ZNF121: variants seen among roughly 807,000 people sequenced by gnomAD.
ZNF121 encodes the protein zinc finger protein 121 (clone ZHC32).
In ZNF121, 1 loss-of-function variant was observed where a neutral mutation model predicts 2.4. The observed-to-expected ratio is 0.41, with a 90% CI of 0.15 to 1.94. The LOEUF is 1.94. ZNF121 is among the 30% of genes most tolerant of loss of function. ZNF121 has a pLI of 0.30. For missense variants in ZNF121, 369 were observed against 466.3 expected, an observed-to-expected ratio of 0.79 and a Z score of 1.92; for synonymous variants, 173 against 158.6, an observed-to-expected ratio of 1.09 and a Z score of -0.68.
At chr19:9,573,864 T>C (rs916205366) in intron 1 of ZNF121, among the ~76,000 whole-genome samples, 1 of 152,132 alleles carries the variant, frequency 6.6e-6, no homozygotes, top group Non-Finnish European at 1.5e-5. Context: ...TTTCTTTTTT[T>C]GTGAGACGGT....
chr19:9,566,241 T>C lies in ZNF121; in HGVS notation c.872A>G (p.Lys291Arg). Residue 291 changes from lysine to arginine, a missense_variant, in exon 4 of 4, where the codon AAA becomes AGA. Around this residue, in one of 4 missense-constraint regions of ZNF121, gnomAD observed 127 missense variants for 169.9 expected, o/e 0.75. Coordinates refer to ENST00000320451, the MANE Select transcript of ZNF121 (RefSeq NM_001008727.5). Reference sequence around the variant, plus strand: ...TAAGCTTGAGGAAACAGTGAATGCTTTCCCACACTCCTTACATTTATAGGG... The same window carrying C: ...TAAGCTTGAGGAAACAGTGAATGCTCTCCCACACTCCTTACATTTATAGGG... ...IKPYKCKECG[K>R]AFTVSSSLHN... The C allele has an allele frequency of 6.2e-7, 1 of 1,614,036 alleles. No individual in the cohort carries two copies. The highest frequency in any genetic ancestry group is 8.5e-7 in the Non-Finnish European group (1 of 1,180,010).
At chr19:9,575,748 T>TA (rs908182869) in intron 1 of ZNF121, among the ~76,000 whole-genome samples, 10 of 143,420 alleles carry the variant, frequency 7.0e-5, no homozygotes, top group South Asian at 4.4e-4. Context: ...GTCTCAAAAA[T>TA]AAAAAAAAAA....
chr19:9,573,901 C>G (rs143970790), intron 1 of ZNF121, among the ~76,000 whole-genome samples: 1 of 152,064 alleles, frequency 6.6e-6, no homozygotes, highest in Non-Finnish European at 1.5e-5. Context: ...GGCTGGAGTA[C>G]CGTGGCACAA....
chr19:9,566,075 C>T lies in ZNF121; in HGVS notation c.1038G>A (p.Gly346=). Residue 346 remains glycine, a synonymous_variant, in exon 4 of 4, where the codon GGG becomes GGA. Transcript: ENST00000320451. ...GEKPYICKEC[G]KTFRASSHLQ... ...GATGTGAAGAAGCACGGAAGGTTTT[C>T]CCACATTCCTTACATATATACGGTT... is the stretch of plus-strand genomic sequence containing the variant. The T allele has an allele frequency of 6.2e-7, 1 of 1,613,410 alleles. No individual in the cohort carries two copies. Among genetic ancestry groups the T allele is most frequent in the Non-Finnish European group, 8.5e-7 (1 of 1,179,778 alleles).
chr19:9,583,734 A>AC (rs1375357516), intron 1 of ZNF121, among the ~76,000 whole-genome samples: 4 of 151,756 alleles, frequency 2.6e-5, no homozygotes, highest in African/African-American at 9.7e-5. Context: ...CGAACTCCTG[A>AC]CCTCAGGTGA....
chr19:9,566,849 A>G lies in ZNF121; in HGVS notation c.264T>C (p.Phe88=), dbSNP rs761149713. 6.2e-7 allele frequency: 1 copy of G among 1,614,204 alleles called. No homozygotes were observed. Among genetic ancestry groups the G allele is most frequent in the South Asian group, 1.1e-5 (1 of 91,086 alleles). The change falls in exon 4 of 4, where the codon TTT becomes TTC. Residue 88 remains phenylalanine (F), a synonymous_variant. Coordinates refer to ENST00000320451, the MANE Select transcript of ZNF121 (RefSeq NM_001008727.5). ...HQRTWIGDKS[F]EYSDCEEAFV... is the part of the protein sequence containing the mutation. ...AGGCTTCCTCACAGTCACTGTATTC[A>G]AAGGATTTGTCTCCTATCCACGTTC...
At position 9,566,611 on chromosome 19, in the gene ZNF121, C is replaced by A. The variant is rs1330067870; in HGVS notation, c.502G>T (p.Gly168Trp). ...TCCTTACATTCATAGGGTTTCTCCC[C>A]AGTATGGGTTCGCATGTGACTATTA... is the stretch of plus-strand genomic sequence containing the variant. ...YLNSHMRTHT[G>W]EKPYECKECG... is the part of the protein sequence containing the mutation. The change falls in exon 4 of 4, where the codon GGG becomes TGG. Residue 168 changes from glycine (G) to tryptophan (W), a missense_variant. Around this residue, in one of 4 missense-constraint regions of ZNF121, gnomAD observed 68 missense variants for 105.5 expected, o/e 0.64. Coordinates refer to ENST00000320451, the MANE Select transcript of ZNF121 (RefSeq NM_001008727.5). 5 of 1,614,080 alleles carry A rather than the reference C, an allele frequency of 3.1e-6. No individual in the cohort carries two copies. In the African/African-American group the frequency reaches 6.7e-5, roughly 22 times the overall value.
intron 1 of ZNF121, among the ~76,000 whole-genome samples, chr19:9,573,916 G>A (rs1451259859): frequency 1.2e-4 from 18 of 151,952 alleles, no homozygotes; most frequent in Admixed American, 1.2e-3. Flanking sequence ...GCACAATCAT[G>A]GCTCAATGCA....
chr19:9,580,100 G>A (rs1303956107), intron 1 of ZNF121, among the ~76,000 whole-genome samples: 1 of 151,908 alleles, frequency 6.6e-6, no homozygotes, highest in Non-Finnish European at 1.5e-5. Flanking sequence ...AGACCATCCT[G>A]GCTAACACGG....
At position 9,573,073 on chromosome 19, in the gene ZNF121, A is replaced by G. The variant is rs567329170; in HGVS notation, c.-159-3991T>C. Among the ~76,000 whole-genome samples, 8 of 152,292 alleles carry G rather than the reference A, an allele frequency of 5.3e-5. 1 individual carries two copies. The highest frequency in any genetic ancestry group is 1.9e-4 in the African/African-American group (8 of 41,546). On this transcript the variant is annotated intron_variant, in intron 1 of 3. Transcript: ENST00000320451. ...ACCCAATAAAAACCACAAGCCAGAC[A>G]AAGACTGTAATAAATAACTAATCCT...
rs760160153 is a variant in ZNF121 at position 9,566,713 on chromosome 19, A to G, written c.400T>C (p.Ser134Pro). 4.3e-6 allele frequency: 7 copies of G among 1,614,090 alleles called. No individual in the cohort carries two copies. In the Admixed American group the frequency reaches 6.7e-5, roughly 15 times the overall value. Residue 134 changes from serine (S) to proline (P), a missense_variant, in exon 4 of 4, where the codon TCT becomes CCT. Ser to Pro is a moderately conservative substitution (Grantham distance 74). Around this residue, in one of 4 missense-constraint regions of ZNF121, gnomAD observed 168 missense variants for 162.3 expected, o/e 1.03. Coordinates refer to ENST00000320451, the MANE Select transcript of ZNF121 (RefSeq NM_001008727.5). ...AFTYSTSHAVSVKMHTVEKPY... is the reference protein window; with the variant it reads ...AFTYSTSHAVPVKMHTVEKPY... ...TTTTCTACAGTATGCATTTTAACAG[A>G]CACAGCATGGCTTGTGGAGTAAGTA...
At position 9,561,380 on chromosome 19, in the gene ZNF121, C is replaced by T. The variant is rs377756751; in HGVS notation, c.*4560G>A. 3 of 152,132 alleles carry T rather than the reference C, an allele frequency of 2.0e-5. No individual in the cohort carries two copies. Among genetic ancestry groups the T allele is most frequent in the Non-Finnish European group, 4.4e-5 (3 of 68,024 alleles). The allele number at this position is 152,132 out of a possible 1,614,324, so 9.4% of individuals were successfully genotyped here. On this transcript the variant is annotated 3_prime_UTR_variant, in exon 4 of 4. Transcript: ENST00000320451. ...ATATACCCATGAAATAAGGAGAATA[C>T]ATTTTTAAAGATTCAGAAGATAGCT...
chr19:9,567,114 T>G lies in ZNF121; in HGVS notation c.4-5A>C. The G allele has an allele frequency of 6.3e-7, 1 of 1,599,686 alleles. No homozygotes were observed. The highest frequency in any genetic ancestry group is 2.2e-5 in the East Asian group (1 of 44,754). ...CCCTCCATTGTGGATTTCTGCCTGT[T>G]AATAAAGGGATGAATGATGATTAAA... On this transcript the variant is annotated splice_region_variant and splice_polypyrimidine_tract_variant and intron_variant, in intron 3 of 3. Transcript: ENST00000320451.
In ZNF121 at chr19:9,566,800, C is replaced by T; in HGVS notation, c.313G>A (p.Ala105Thr). The part of the protein sequence containing the change: ...EAFVDQSHLQ[A>T]NRITHNGETL... ...TCTCCATTGTGAGTTATCCTATTTG[C>T]CTGAAGATGTGACTGATCAACAAAG... Residue 105 changes from alanine to threonine, a missense_variant, in exon 4 of 4, where the codon GCA (alanine) becomes ACA (threonine). Physicochemically the swap from Ala to Thr is moderately conservative, Grantham distance 58. Coordinates refer to ENST00000320451, the MANE Select transcript of ZNF121 (RefSeq NM_001008727.5). 6.2e-7 allele frequency: 1 copy of T among 1,614,124 alleles called. No individual in the cohort carries two copies. The highest frequency in any genetic ancestry group is 8.5e-7 in the Non-Finnish European group (1 of 1,180,020).
intron 1 of ZNF121, among the ~76,000 whole-genome samples, chr19:9,569,951 CTTTT>C (rs2144810421): frequency 1.1e-5 from 1 of 93,648 alleles, no homozygotes; most frequent in Admixed American, 1.1e-4. Flanking sequence ...TCTTTTTTTT[CTTTT>C]TGAGAGATTT....
Position 9,566,137 on chromosome 19 carries a change from G to A in ZNF121, c.976C>T (p.Gln326Ter). Residue 326 changes from glutamine to a stop codon, truncating the protein, a stop_gained, in exon 4 of 4, where the codon CAA (glutamine) becomes TAA (stop). Transcript: ENST00000320451. LOFTEE classifies it low-confidence loss of function (END_TRUNC). The part of the protein sequence containing the change: ...DCGKAFATSS[Q>*]LIEHIRTHTG... ...TGAGTTCTTATATGTTCAATGAGTT[G>A]TGAAGATGTAGCAAAGGCTTTCCCA... The A allele has an allele frequency of 6.2e-7, 1 of 1,614,000 alleles. No homozygotes were observed. Among genetic ancestry groups the A allele is most frequent in the Non-Finnish European group, 8.5e-7 (1 of 1,179,970 alleles).
At chr19:9,583,471 G>T (rs935714720) in intron 1 of ZNF121, among the ~76,000 whole-genome samples, 7 of 144,232 alleles carry the variant, frequency 4.9e-5, no homozygotes, top group Non-Finnish European at 1.0e-4. Flanking sequence ...GATTACAGGG[G>T]ACTGCCACCA....
At chr19:9,569,656 T>G (rs1018498662) in intron 1 of ZNF121, among the ~76,000 whole-genome samples, 6 of 150,794 alleles carry the variant, frequency 4.0e-5, no homozygotes, top group Admixed American at 6.6e-5. Flanking sequence ...CTCAGCCTCG[T>G]GAGCAGCTGG....
At chr19:9,569,158 T>G (rs1018951427) in intron 1 of ZNF121, 76 bp from the exon 2 acceptor site, 1 of 152,400 alleles carries the variant, frequency 6.6e-6, no homozygotes, top group Non-Finnish European at 1.5e-5. Context: ...AAAAAACAAC[T>G]ATATTCCTAA....
Sources: gnomAD v4.1 joint callset for allele counts (sites outside exome capture counted in the v4.1 genomes callset) on GRCh38, gnomAD v4.1.1 for gene constraint, gnomAD v4.1.1 regional missense constraint, MANE v1.5 for transcripts, NCBI Gene and HGNC (gene_info 2026-07-23, HGNC 2026-07-21) for gene names.